FBXO42: variants seen among roughly 807,000 people sequenced by gnomAD.
The protein encoded by FBXO42 is F-box protein 42.
Under a neutral mutation model 71.7 loss-of-function variants are expected in FBXO42, and 12 were observed. The observed-to-expected ratio is 0.17, with a 90% CI of 0.11 to 0.27. The LOEUF is 0.27. FBXO42 is among the 10% of genes least tolerant of loss of function. The pLI is 1.00. For synonymous variants in FBXO42, 325 were observed against 327.5 expected (o/e 0.99, Z 0.08); for missense variants, 707 against 911.9 (o/e 0.78, Z 2.89).
At chr1:16,274,166 C>T (rs982463743) in intron 4 of FBXO42, among the ~76,000 whole-genome samples, 3 of 149,754 alleles carry the variant, frequency 2.0e-5, no homozygotes, top group Admixed American at 2.0e-4. Context: ...ATTAGTCAGG[C>T]ATGGTGGTGT....
At chr1:16,256,539 A>AAAAC (rs2081647350) in intron 5 of FBXO42, 67 bp downstream of exon 5, 1 of 1,549,910 alleles carries the variant, frequency 6.5e-7, no homozygotes, top group African/African-American at 1.4e-5. Context: ...TTGACACAAA[A>AAAAC]AAACAAAGAA....
intron 4 of FBXO42, among the ~76,000 whole-genome samples, chr1:16,264,526 C>T (rs1194451985): frequency 1.3e-5 from 2 of 152,202 alleles, no homozygotes; most frequent in Admixed American, 6.5e-5. Flanking sequence ...GGGTGTCATT[C>T]CCATTGAGTT....
chr1:16,333,115 C>T (rs1269516322), intron 1 of FBXO42, among the ~76,000 whole-genome samples: 1 of 152,244 alleles, frequency 6.6e-6, no homozygotes, highest in East Asian at 1.9e-4. Flanking sequence ...TCTTGAGGTT[C>T]TATCCCCTCC....
chr1:16,299,185 G>T (rs2082163353), intron 3 of FBXO42, among the ~76,000 whole-genome samples: 1 of 151,438 alleles, frequency 6.6e-6, no homozygotes, highest in South Asian at 2.1e-4. Flanking sequence ...CTAATTTTTT[G>T]TATTTTTAGT....
At chr1:16,326,234 T>G (rs2082450120) in intron 1 of FBXO42, among the ~76,000 whole-genome samples, 1 of 151,444 alleles carries the variant, frequency 6.6e-6, no homozygotes, top group Non-Finnish European at 1.5e-5. Context: ...TTTGTATTTT[T>G]TCGCAAAGAC....
At chr1:16,295,986 C>G (rs909503945) in intron 3 of FBXO42, among the ~76,000 whole-genome samples, 1 of 152,132 alleles carries the variant, frequency 6.6e-6, no homozygotes, top group Non-Finnish European at 1.5e-5. Flanking sequence ...TAAAAAAAGC[C>G]TTCTTTGATT....
Position 16,276,431 on chromosome 1 carries a change from A to C in FBXO42, c.502+18352T>G, listed in dbSNP as rs114412323. Among the ~76,000 whole-genome samples the C allele has an allele frequency of 4.6e-3, 698 of 152,014 alleles. 6 individuals carry two copies. Among genetic ancestry groups the C allele is most frequent in the African/African-American group, 0.016 (652 of 41,474 alleles). ...AGAAAAGAAAACTGGAGAACTTGAG[A>C]AACTGGCCTGATCCTAATTACATAG... On this transcript the variant is annotated intron_variant, in intron 4 of 9. Transcript: ENST00000375592.
In FBXO42 at chr1:16,249,861, A is replaced by G. The variant is rs954314676; in HGVS notation, c.*809T>C. On this transcript the variant is annotated 3_prime_UTR_variant, in exon 10 of 10. Coordinates refer to ENST00000375592, the MANE Select transcript of FBXO42 (RefSeq NM_018994.3). ...ATGGAAAAGGCAGTTTCCAAGTACCATGTTCTAAGGGAAGAAAGAGGAGAA... is the reference window on the plus strand; with the variant it reads ...ATGGAAAAGGCAGTTTCCAAGTACCGTGTTCTAAGGGAAGAAAGAGGAGAA... 3 of 152,248 alleles carry G rather than the reference A, an allele frequency of 2.0e-5. No homozygotes were observed. Among genetic ancestry groups the G allele is most frequent in the Non-Finnish European group, 4.4e-5 (3 of 68,048 alleles). 9.4% of individuals were successfully genotyped at this position (152,248 alleles called of 1,614,324 possible). A position where few individuals can be genotyped will look rare whatever the true frequency, so the allele number is the denominator to read the frequency against.
rs566876896 is a variant in FBXO42, at chr1:16,341,735, C to T, written c.-18+10520G>A. 7.9e-4 allele frequency among the ~76,000 whole-genome samples: 119 copies of T among 151,148 alleles called. 1 individual carries two copies. Among genetic ancestry groups the T allele is most frequent in the African/African-American group, 2.8e-3 (115 of 41,136 alleles). ...CCTGTAATCCCAGCGCTTTGGTAGGCCAAGGCGGGCGGATCACCTGAGGTC... is the reference window on the plus strand; with the variant it reads ...CCTGTAATCCCAGCGCTTTGGTAGGTCAAGGCGGGCGGATCACCTGAGGTC... On this transcript the variant is annotated intron_variant, in intron 1 of 9. Coordinates refer to ENST00000375592, the MANE Select transcript of FBXO42 (RefSeq NM_018994.3).
rs2082284874 is a variant in FBXO42, at chr1:16,309,041, C to T, written c.251-3122G>A. 2.1e-5 allele frequency among the ~76,000 whole-genome samples: 3 copies of T among 141,710 alleles called. No individual in the cohort carries two copies. In the South Asian group the frequency reaches 7.2e-4, roughly 34 times the overall value. The allele number at this position is 141,710 out of a possible 152,430, so 93.0% of individuals were successfully genotyped here. ...TACAGGCGTGAGCCACCATGCCAGG[C>T]CGGGAGACCCCATCTCTTTTTTTTT... On this transcript the variant is annotated intron_variant, in intron 2 of 9. Coordinates refer to ENST00000375592, the MANE Select transcript of FBXO42 (RefSeq NM_018994.3).
chr1:16,335,445 C>A (rs2082543971), intron 1 of FBXO42, among the ~76,000 whole-genome samples: 1 of 152,172 alleles, frequency 6.6e-6, no homozygotes. Context: ...CGGCTCATAT[C>A]ACTTCCTAAC....
chr1:16,282,403 T>C (rs2100503496), intron 4 of FBXO42, among the ~76,000 whole-genome samples: 1 of 151,760 alleles, frequency 6.6e-6, no homozygotes, highest in East Asian at 2.0e-4. Context: ...TTTTTGTATT[T>C]TTAGCAGAGA....
chr1:16,289,689 A>G (rs2082058352), intron 4 of FBXO42, among the ~76,000 whole-genome samples: 1 of 152,156 alleles, frequency 6.6e-6, no homozygotes, highest in Admixed American at 6.6e-5. Context: ...AACAACAACA[A>G]AAACAAACAA....
chr1:16,281,124 G>A (rs1313195704), intron 4 of FBXO42, among the ~76,000 whole-genome samples: 2 of 152,018 alleles, frequency 1.3e-5, no homozygotes, highest in East Asian at 1.9e-4. Context: ...CATCACACCT[G>A]GCTAATTTTG....
chr1:16,280,298 T>A (rs1304562790), intron 4 of FBXO42, among the ~76,000 whole-genome samples: 1 of 152,082 alleles, frequency 6.6e-6, no homozygotes, highest in African/African-American at 2.4e-5. Flanking sequence ...CTCAAAACTG[T>A]CAAGATAATC....
intron 1 of FBXO42, among the ~76,000 whole-genome samples, chr1:16,339,348 G>A (rs2082581779): frequency 1.3e-5 from 2 of 151,552 alleles, no homozygotes; most frequent in Non-Finnish European, 1.5e-5. Context: ...AAGTCTCACT[G>A]TGTTGCCAGG....
At chr1:16,271,104 T>C (rs979450093) in intron 4 of FBXO42, among the ~76,000 whole-genome samples, 1 of 151,534 alleles carries the variant, frequency 6.6e-6, no homozygotes, top group African/African-American at 2.4e-5. Flanking sequence ...CAGGCAGAAA[T>C]AGCAAGAGCA....
rs1377407534 is a variant in FBXO42 at position 16,251,375 on chromosome 1, G to A, written c.1449C>T (p.Ala483=). The change falls in exon 10 of 10, where the codon GCC becomes GCT. Residue 483 remains alanine, a synonymous_variant. Coordinates refer to ENST00000375592, the MANE Select transcript of FBXO42 (RefSeq NM_018994.3). The surrounding 1 kb of genome is among the most constrained non-coding windows in gnomAD (Gnocchi z 4.5). ...GYDLKIGLSL[A]PRRGSLPDQK... is the part of the protein sequence containing the mutation. The stretch of plus-strand genomic sequence containing the variant: ...GATCTGGTAGTGATCCTCGTCGGGG[G>A]GCCAAAGAAAGTCCTATTTTCAGGT... The A allele has an allele frequency of 1.2e-6, 2 of 1,614,010 alleles. No homozygotes were observed. The highest frequency in any genetic ancestry group is 2.7e-5 in the African/African-American group (2 of 74,886).
chr1:16,289,409 A>T (rs1228596127), intron 4 of FBXO42, among the ~76,000 whole-genome samples: 1 of 70,806 alleles, frequency 1.4e-5, no homozygotes, highest in East Asian at 3.1e-4. Flanking sequence ...TTGTCTCTTT[A>T]AAAAAAAAAA....
Sources: allele counts gnomAD v4.1 joint callset (sites outside exome capture counted in the v4.1 genomes callset), GRCh38; gene constraint gnomAD v4.1.1; non-coding constraint Gnocchi (gnomAD v3.1); transcripts MANE v1.5; gene names NCBI Gene and HGNC (gene_info 2026-07-23, HGNC 2026-07-21).